TMTC3: variants seen among roughly 807,000 people sequenced by gnomAD.
TMTC3 encodes protein O-mannosyl-transferase TMTC3.
In TMTC3, 52 loss-of-function variants were observed where a neutral mutation model predicts 92.2. The ratio of observed to expected loss-of-function variants is 0.56; its 90% confidence interval spans 0.45 to 0.71. The LOEUF is 0.71. Ranked by LOEUF, TMTC3 falls within the 30% of genes least tolerant of loss-of-function variation. The probability of loss-of-function intolerance (pLI) is 0.00; values close to 1 mark genes in which losing one functional copy is unlikely to be tolerated. For missense variants in TMTC3, 896 were observed against 1,057.1 expected (o/e 0.85, Z 2.11); for synonymous variants, 339 against 363.3 (o/e 0.93, Z 0.76).
intron 10 of TMTC3, among the ~76,000 whole-genome samples, chr12:88,183,941 A>G (rs922135968): frequency 6.6e-6 from 1 of 152,134 alleles, no homozygotes; most frequent in African/African-American, 2.4e-5. Context: ...GGAAATCCCA[A>G]GCGGGCACCA....
At chr12:88,184,409 A>G (rs1276200711) in intron 10 of TMTC3, among the ~76,000 whole-genome samples, 1 of 152,240 alleles carries the variant, frequency 6.6e-6, no homozygotes, top group South Asian at 2.1e-4. Flanking sequence ...TGATAAGAGA[A>G]TCTGGCGGCC....
intron 7 of TMTC3, among the ~76,000 whole-genome samples, chr12:88,168,145 G>A (rs984439874): frequency 1.3e-5 from 2 of 152,164 alleles, no homozygotes; most frequent in Non-Finnish European, 2.9e-5. Context: ...AAGACATATC[G>A]AATGAAGAGA....
intron 10 of TMTC3, among the ~76,000 whole-genome samples, chr12:88,187,884 TATC>T (rs1341753900): frequency 3.9e-5 from 6 of 152,182 alleles, no homozygotes; most frequent in Non-Finnish European, 7.4e-5. Flanking sequence ...ACCTTCCTTC[TATC>T]ATTATTCCAA....
At position 88,188,011 on chromosome 12, in the gene TMTC3, T is replaced by A. The variant is rs115763183; in HGVS notation, c.1433-832T>A. On this transcript the variant is annotated intron_variant, in intron 10 of 13. Coordinates refer to ENST00000266712, the MANE Select transcript of TMTC3 (RefSeq NM_181783.4). The stretch of plus-strand genomic sequence containing the variant: ...TTTTCCTATCCCTGAATAAATTTGC[T>A]GGGATTTTTACTTTCCACATCAGAA... 6.2e-3 allele frequency among the ~76,000 whole-genome samples: 943 copies of A among 152,304 alleles called. 15 individuals are homozygous for A. The highest frequency in any genetic ancestry group is 0.022 in the African/African-American group (905 of 41,568).
rs1378341828 is a variant in TMTC3, at chr12:88,194,820, T to C, written c.1934-18T>C. 2.7e-6 allele frequency: 4 copies of C among 1,475,044 alleles called. No homozygotes were observed. The highest frequency in any genetic ancestry group is 2.7e-6 in the Non-Finnish European group (3 of 1,110,194). The allele number at this position is 1,475,044 out of a possible 1,614,324, so 91.4% of individuals were successfully genotyped here. On this transcript the variant is annotated intron_variant, in intron 13 of 13. Transcript: ENST00000266712. ...TATTTTATTAACAATATATTTTTTC[T>C]TTAAAAAAACTTTCTAGGTGAGGTT...
chr12:88,157,408 C>T (rs1453469507), intron 4 of TMTC3, among the ~76,000 whole-genome samples: 1 of 151,666 alleles, frequency 6.6e-6, no homozygotes, highest in African/African-American at 2.4e-5. Context: ...TCCCATACCC[C>T]TTTTGTAAAT....
chr12:88,170,973 G>A (rs192597951), intron 7 of TMTC3, among the ~76,000 whole-genome samples: 2 of 152,244 alleles, frequency 1.3e-5, no homozygotes, highest in African/African-American at 4.8e-5. Flanking sequence ...AGAAATTCTT[G>A]TAGAATGAAA....
At chr12:88,182,633 C>T (rs61941049) in intron 10 of TMTC3, among the ~76,000 whole-genome samples, 10,974 of 152,060 alleles carry the variant, frequency 0.072, 516 homozygotes, top group African/African-American at 0.13. Flanking sequence ...GTATTCTTTA[C>T]GACAGAGGCT....
At position 88,199,878 on chromosome 12, in the gene TMTC3, CAAA is replaced by C. The variant is rs200655766; in HGVS notation, c.*4233_*4235del. 1 of 152,178 alleles carries C rather than the reference CAAA, an allele frequency of 6.6e-6. No individual in the cohort carries two copies. Among genetic ancestry groups the C allele is most frequent in the Non-Finnish European group, 1.5e-5 (1 of 68,020 alleles). The allele number at this position is 152,178 out of a possible 1,614,324, so 9.4% of individuals were successfully genotyped here. On this transcript the variant is annotated 3_prime_UTR_variant, in exon 14 of 14. Coordinates refer to ENST00000266712, the MANE Select transcript of TMTC3 (RefSeq NM_181783.4). ...TTTCTGCCTTAAATAAAATAACCCT[CAAA>C]AAACCATTCTAGTTTGCCCTTTCTT... is the stretch of plus-strand genomic sequence containing the variant.
At chr12:88,171,859 T>C (rs1057229645) in intron 7 of TMTC3, among the ~76,000 whole-genome samples, 22 of 152,218 alleles carry the variant, frequency 1.4e-4, no homozygotes, top group Middle Eastern at 6.8e-3. Flanking sequence ...CTTGCCAACA[T>C]TTGTTATCTT....
At position 88,154,319 on chromosome 12, in the gene TMTC3, T is replaced by C. The variant is rs1457136963; in HGVS notation, c.440T>C (p.Leu147Ser). Residue 147 changes from leucine (L) to serine (S), a missense_variant, in exon 4 of 14, where the codon TTG becomes TCG. Coordinates refer to ENST00000266712, the MANE Select transcript of TMTC3 (RefSeq NM_181783.4). Reference sequence around the variant, plus strand: ...GGAGTTGTTGGAAGAGCAGAACTTTTGTCATCTATCTTTTTTCTAGCAGCT... The same window carrying C: ...GGAGTTGTTGGAAGAGCAGAACTTTCGTCATCTATCTTTTTTCTAGCAGCT... Reference protein sequence around the residue: ...VTGVVGRAELLSSIFFLAAFL... With the variant: ...VTGVVGRAELSSSIFFLAAFL... 2 of 1,608,270 alleles carry C rather than the reference T, an allele frequency of 1.2e-6. No individual in the cohort carries two copies. Among genetic ancestry groups the C allele is most frequent in the Non-Finnish European group, 8.5e-7 (1 of 1,178,430 alleles).
Position 88,148,621 on chromosome 12 carries a change from C to T in TMTC3, c.189+117C>T, listed in dbSNP as rs539130579. 1.1e-4 allele frequency: 82 copies of T among 765,918 alleles called. 2 individuals are homozygous for T. In the South Asian group the frequency reaches 1.9e-3, roughly 18 times the overall value. The allele number at this position is 765,918 out of a possible 1,614,324, so 47.4% of individuals were successfully genotyped here. On this transcript the variant is annotated intron_variant, in intron 2 of 13. Transcript: ENST00000266712. ...TCACAACAGTTACAGATTTTTAACCCTAAAATGTTTATATGAAACGTAACA... is the reference window on the plus strand; with the variant it reads ...TCACAACAGTTACAGATTTTTAACCTTAAAATGTTTATATGAAACGTAACA...
intron 1 of TMTC3, 146 bp from the exon 2 acceptor site, chr12:88,148,142 A>G: frequency 1.8e-6 from 1 of 546,168 alleles, no homozygotes; most frequent in Non-Finnish European, 3.2e-6. Flanking sequence ...CAACAATGTG[A>G]CTAGCTTATG....
At chr12:88,156,953 G>A (rs998445844) in intron 4 of TMTC3, among the ~76,000 whole-genome samples, 9 of 151,560 alleles carry the variant, frequency 5.9e-5, no homozygotes, top group Admixed American at 5.9e-4. Context: ...GAGTAATGTT[G>A]TTTTCTATAC....
intron 13 of TMTC3, 97 bp from the exon 14 acceptor site, chr12:88,194,741 G>A: frequency 1.2e-6 from 1 of 832,520 alleles, no homozygotes; most frequent in Non-Finnish European, 1.7e-6. Context: ...TTGTTTTGAA[G>A]CTGTCTTTTT....
chr12:88,194,390 AT>A (rs1239108091), intron 13 of TMTC3, among the ~76,000 whole-genome samples: 1 of 152,076 alleles, frequency 6.6e-6, no homozygotes, highest in Non-Finnish European at 1.5e-5. Context: ...TTTGCTGAAC[AT>A]TTTTTCGATA....
rs1198422272 is a variant in TMTC3, at chr12:88,197,429, T to G, written c.*1780T>G. ...AAAAGATGGAGAATACCTCATGTAC[T>G]GTGACTTGAAAATGAATTCTTAAAA... On this transcript the variant is annotated 3_prime_UTR_variant, in exon 14 of 14. Transcript: ENST00000266712. The G allele has an allele frequency of 1.3e-5, 2 of 152,194 alleles. No homozygotes were observed. Among genetic ancestry groups the G allele is most frequent in the Non-Finnish European group, 2.9e-5 (2 of 67,798 alleles). The allele number at this position is 152,194 out of a possible 1,614,324, so 9.4% of individuals were successfully genotyped here. A position where few individuals can be genotyped will look rare whatever the true frequency, so the allele number is the denominator to read the frequency against.
intron 6 of TMTC3, among the ~76,000 whole-genome samples, chr12:88,162,302 C>A (rs2041089451): frequency 6.6e-6 from 1 of 151,984 alleles, no homozygotes; most frequent in Admixed American, 6.6e-5. Context: ...ATTTATGTTT[C>A]TTGTGCTTAG....
intron 11 of TMTC3, 34 bp downstream of exon 11, chr12:88,188,980 C>A: frequency 1.8e-6 from 2 of 1,127,208 alleles, no homozygotes; most frequent in Non-Finnish European, 2.6e-6. Flanking sequence ...TGTGTCATAT[C>A]TATTAGATGT....
Sources: allele counts gnomAD v4.1 joint callset (sites outside exome capture counted in the v4.1 genomes callset), GRCh38; gene constraint gnomAD v4.1.1; transcripts MANE v1.5; gene names NCBI Gene and HGNC (gene_info 2026-07-23, HGNC 2026-07-21).